Variants in RPS6KA1 observed in about 807,000 individuals in gnomAD.
RPS6KA1 encodes the protein ribosomal protein S6 kinase alpha-1.
RPS6KA1 carries 48 observed loss-of-function variants against 91.3 expected under a neutral mutation model. The ratio of observed to expected loss-of-function variants is 0.53; its 90% CI spans 0.42 to 0.67. The LOEUF is 0.67. RPS6KA1 is among the 30% of genes least tolerant of loss of function. RPS6KA1 has a pLI of 0.00. For missense variants in RPS6KA1, 719 were observed against 960.5 expected (o/e 0.75, Z 3.32); for synonymous variants, 359 against 384.7 (o/e 0.93, Z 0.78).
In RPS6KA1 at chr1:26,566,411, G is replaced by A. The variant is rs1007395704; in HGVS notation, c.1590+4748G>A. On this transcript the variant is annotated intron_variant, in intron 17 of 21. Transcript: ENST00000374168. ...TGATTCTCCTACCTCAGCCTCCTGA[G>A]GAGCTGGGATTACAGGCGTGTACCC... 4.0e-5 allele frequency among the ~76,000 whole-genome samples: 6 copies of A among 151,178 alleles called. No individual in the cohort carries two copies. The South Asian group carries it at 1.3e-3, about 32-fold the overall frequency.
chr1:26,543,682 C>T (rs556865263), intron 2 of RPS6KA1, among the ~76,000 whole-genome samples: 5 of 152,088 alleles, frequency 3.3e-5, no homozygotes, highest in African/African-American at 7.2e-5. Context: ...GTGGGCAGGA[C>T]GTGGCTCTGG....
intron 17 of RPS6KA1, among the ~76,000 whole-genome samples, chr1:26,562,357 T>C (rs2076160879): frequency 6.6e-6 from 1 of 152,076 alleles, no homozygotes; most frequent in Admixed American, 6.6e-5. Flanking sequence ...CCGGGAAGAA[T>C]GGAAGAATTT....
In RPS6KA1 at chr1:26,536,938, C is replaced by G; in HGVS notation, c.77C>G (p.Ser26Ter). The change falls in exon 2 of 22, where the codon TCA (serine) becomes TGA (stop). Residue 26 changes from serine to a stop codon, truncating the protein, a stop_gained. Coordinates refer to ENST00000374168, the MANE Select transcript of RPS6KA1 (RefSeq NM_002953.4). LOFTEE classifies it high-confidence loss of function. ...TCTCTTTTCCAGAATGGACAGACCT[C>G]AGGGGAAGAAGCTGGACTTCAGCCG... ...VPLDPENGQT[S>*]GEEAGLQPSK... The G allele has an allele frequency of 6.2e-7, 1 of 1,614,168 alleles. No homozygotes were observed. The highest frequency in any genetic ancestry group is 8.5e-7 in the Non-Finnish European group (1 of 1,180,000).
chr1:26,538,129 GCAC>G (rs2075920146), intron 2 of RPS6KA1, among the ~76,000 whole-genome samples: 1 of 152,170 alleles, frequency 6.6e-6, no homozygotes, highest in Non-Finnish European at 1.5e-5. Flanking sequence ...AAGTATTCTC[GCAC>G]CACTTCTCTG....
Position 26,547,583 on chromosome 1 carries a change from T to C in RPS6KA1, c.307+313T>C. 1 of 316,324 alleles carries C rather than the reference T, an allele frequency of 3.2e-6. No homozygotes were observed. The highest frequency in any genetic ancestry group is 3.0e-5 in the South Asian group (1 of 32,802). 19.6% of individuals were successfully genotyped at this position (316,324 alleles called of 1,614,324 possible). ...ATTCTGACTGTTGATGCTAGAAGAG[T>C]CTGGGGGAGACCTCTGTGGCCCCTA... On this transcript the variant is annotated intron_variant, in intron 4 of 21. Coordinates refer to ENST00000374168, the MANE Select transcript of RPS6KA1 (RefSeq NM_002953.4). The surrounding 1 kb of genome is among the most constrained non-coding windows in gnomAD (Gnocchi z 4.1).
chr1:26,534,674 G>A (rs953475727), intron 1 of RPS6KA1, among the ~76,000 whole-genome samples: 3 of 152,078 alleles, frequency 2.0e-5, no homozygotes, highest in South Asian at 2.1e-4. Flanking sequence ...GCTTCTTGCC[G>A]CCACCATTGA....
At chr1:26,572,073 T>G (rs2076254002) in intron 19 of RPS6KA1, 103 bp from the exon 20 acceptor site, 3 of 1,307,266 alleles carry the variant, frequency 2.3e-6, no homozygotes, top group Non-Finnish European at 3.3e-6. Flanking sequence ...GAGCTCTACC[T>G]TGGGAGTACC....
intron 17 of RPS6KA1, among the ~76,000 whole-genome samples, chr1:26,567,837 A>G (rs1383688139): frequency 6.6e-6 from 1 of 152,096 alleles, no homozygotes; most frequent in African/African-American, 2.4e-5. Context: ...GGGGTTGAAT[A>G]CTATTATCAG....
intron 20 of RPS6KA1, among the ~76,000 whole-genome samples, chr1:26,572,608 G>A (rs1295148876): frequency 6.6e-6 from 1 of 152,174 alleles, no homozygotes; most frequent in Admixed American, 6.6e-5. Flanking sequence ...AAGGGGCAGA[G>A]ATGCCTGGAG....
In RPS6KA1 at chr1:26,529,847, C is replaced by T; in HGVS notation, c.-74C>T. On this transcript the variant is annotated 5_prime_UTR_variant, in exon 1 of 22. Coordinates refer to ENST00000374168, the MANE Select transcript of RPS6KA1 (RefSeq NM_002953.4). The surrounding 1 kb of genome is among the most constrained non-coding windows in gnomAD (Gnocchi z 4.2). Reference sequence around the variant, plus strand: ...GGGCGCGGCGGTTCGGGTCGCAGAGCCAGGGACCCCAGGACCCGGGAGGCG... The same window carrying T: ...GGGCGCGGCGGTTCGGGTCGCAGAGTCAGGGACCCCAGGACCCGGGAGGCG... The T allele has an allele frequency of 8.1e-7, 1 of 1,227,178 alleles. No homozygotes were observed. Among genetic ancestry groups the T allele is most frequent in the Non-Finnish European group, 1.1e-6 (1 of 948,124 alleles). The allele number at this position is 1,227,178 out of a possible 1,614,324, so 76.0% of individuals were successfully genotyped here. A position where few individuals can be genotyped will look rare whatever the true frequency, so the allele number is the denominator to read the frequency against.
chr1:26,535,463 A>G (rs184480948), intron 1 of RPS6KA1, among the ~76,000 whole-genome samples: 1 of 151,096 alleles, frequency 6.6e-6, no homozygotes, highest in African/African-American at 2.4e-5. Context: ...GCTGTTGGGA[A>G]CCTCCTGTCT....
intron 2 of RPS6KA1, among the ~76,000 whole-genome samples, chr1:26,546,237 G>A (rs1359102724): frequency 2.0e-5 from 3 of 152,246 alleles, no homozygotes. Context: ...AGATTGGAGG[G>A]AGGGTAGAGT....
chr1:26,539,852 T>A (rs936780627), intron 2 of RPS6KA1, among the ~76,000 whole-genome samples: 1 of 152,176 alleles, frequency 6.6e-6, no homozygotes. Flanking sequence ...CTCCCCCAGC[T>A]ATCTCCGGAG....
rs753709224 is a variant in RPS6KA1, at chr1:26,556,979, T to G, written c.982-19T>G. On this transcript the variant is annotated intron_variant, in intron 12 of 21. Coordinates refer to ENST00000374168, the MANE Select transcript of RPS6KA1 (RefSeq NM_002953.4). ...GTTGAGGATGCCATGGTGACCAGAG[T>G]GCCCACCCCACTGTGCAGAAGCTAT... 2.5e-6 allele frequency: 4 copies of G among 1,596,154 alleles called. No homozygotes were observed. The highest frequency in any genetic ancestry group is 3.4e-6 in the Non-Finnish European group (4 of 1,163,888).
At chr1:26,548,115 C>T (rs763395900) in intron 4 of RPS6KA1, among the ~76,000 whole-genome samples, 3 of 152,000 alleles carry the variant, frequency 2.0e-5, no homozygotes, top group African/African-American at 7.3e-5. Context: ...GCCTTAAGGA[C>T]GTTATGGGTG....
rs17847444 is a variant in RPS6KA1 at position 26,536,963 on chromosome 1, G to A, written c.102G>A (p.Pro34=). The stretch of plus-strand genomic sequence containing the variant: ...CAGGGGAAGAAGCTGGACTTCAGCC[G>A]TCCAAGGTGAGGACCATGGCCAGCA... ...QTSGEEAGLQ[P]SKDEGVLKEI... Residue 34 remains proline (P), a synonymous_variant, in exon 2 of 22, where the codon CCG becomes CCA. Transcript: ENST00000374168. 1.8e-4 allele frequency: 283 copies of A among 1,614,100 alleles called. 2 individuals carry two copies. The East Asian group carries it at 2.5e-3, about 14-fold the overall frequency.
chr1:26,568,179 C>G (rs2076220387), intron 17 of RPS6KA1, among the ~76,000 whole-genome samples: 1 of 152,184 alleles, frequency 6.6e-6, no homozygotes, highest in Non-Finnish European at 1.5e-5. Context: ...TAGCTGCTGT[C>G]CTCTGTGGAC....
In RPS6KA1 at chr1:26,571,767, C is replaced by A; in HGVS notation, c.1753-82C>A. The A allele has an allele frequency of 6.7e-7, 1 of 1,498,430 alleles. No homozygotes were observed. The allele number at this position is 1,498,430 out of a possible 1,614,324, so 92.8% of individuals were successfully genotyped here. ...CCTGTGCCTGGGACCCTTGTCCTGC[C>A]CTTGAGGGGAGTAGCAGGAAACATC... is the stretch of plus-strand genomic sequence containing the variant. On this transcript the variant is annotated intron_variant, in intron 18 of 21. Coordinates refer to ENST00000374168, the MANE Select transcript of RPS6KA1 (RefSeq NM_002953.4). This position sits in a 1 kb window ranked among gnomAD's most constrained non-coding sequence, Gnocchi z 5.1.
intron 2 of RPS6KA1, among the ~76,000 whole-genome samples, chr1:26,545,629 G>T (rs949856193): frequency 6.6e-6 from 1 of 152,200 alleles, no homozygotes; most frequent in Non-Finnish European, 1.5e-5. Context: ...AGCTGCATTG[G>T]CAGGGGACTT....
Sources: gnomAD v4.1 joint callset for allele counts (sites outside exome capture counted in the v4.1 genomes callset) on GRCh38, gnomAD v4.1.1 for gene constraint, Gnocchi (gnomAD v3.1) non-coding constraint, MANE v1.5 for transcripts, NCBI Gene and HGNC (gene_info 2026-07-23, HGNC 2026-07-21) for gene names.